Variants in IL1RAPL2 observed in about 807,000 individuals in gnomAD.
IL1RAPL2 encodes the protein X-linked interleukin-1 receptor accessory protein-like 2.
IL1RAPL2 carries 3 observed loss-of-function variants against 44.1 expected under a neutral mutation model. The observed-to-expected ratio is 0.07, with a 90% confidence interval of 0.03 to 0.18. The LOEUF (loss-of-function observed/expected upper bound fraction) is 0.18. Among genes scored for constraint, IL1RAPL2 ranks in the 10% least tolerant of loss-of-function variants. The pLI is 1.00. For missense variants in IL1RAPL2, 391 were observed against 496.4 expected, an observed-to-expected ratio of 0.79 and a Z score of 2.02; for synonymous variants, 181 against 178.8, an observed-to-expected ratio of 1.01 and a Z score of -0.10.
intron 2 of IL1RAPL2, among the ~76,000 whole-genome samples, chrX:105,146,786 C>T (rs73245756): frequency 0.018 from 2,023 of 111,275 alleles, 34 homozygotes; most frequent in Non-Finnish European, 0.029. Flanking sequence ...CCTGAGCTTA[C>T]CTGAAAACAG....
intron 2 of IL1RAPL2, among the ~76,000 whole-genome samples, chrX:105,072,490 G>A (rs1047764380): frequency 9.0e-6 from 1 of 111,001 alleles, no homozygotes; most frequent in Non-Finnish European, 1.9e-5. Flanking sequence ...AGGAAGATGT[G>A]GGAAAGTTTG....
intron 2 of IL1RAPL2, among the ~76,000 whole-genome samples, chrX:104,746,124 G>A (rs1345066052): frequency 9.0e-6 from 1 of 111,581 alleles, no homozygotes; most frequent in Non-Finnish European, 1.9e-5. Flanking sequence ...TTGAATGCTA[G>A]GAACTGTGCC....
At chrX:105,439,517 CAAAAAAAA>C (rs11337790) in intron 5 of IL1RAPL2, among the ~76,000 whole-genome samples, 4 of 59,109 alleles carry the variant, frequency 6.8e-5, no homozygotes, top group African/African-American at 1.2e-4. Context: ...TTTTGCTGTA[CAAAAAAAA>C]AAAAAAAAAA....
At chrX:105,341,997 A>G in intron 5 of IL1RAPL2, among the ~76,000 whole-genome samples, 1 of 110,003 alleles carries the variant, frequency 9.1e-6, no homozygotes, top group Non-Finnish European at 1.9e-5. Flanking sequence ...TGATGAGTTC[A>G]TGTCCTTTGC....
At chrX:105,750,628 A>G (rs970910207) in intron 9 of IL1RAPL2, among the ~76,000 whole-genome samples, 8 of 109,195 alleles carry the variant, frequency 7.3e-5, no homozygotes, top group African/African-American at 2.7e-4. Context: ...TGATGAGTAC[A>G]TATGCATGCT....
rs778864376 is a variant in IL1RAPL2, at chrX:105,027,083, C to A, written c.83-168392C>A. Among the ~76,000 whole-genome samples, 9 of 111,582 alleles carry A rather than the reference C, an allele frequency of 8.1e-5. No homozygotes were observed. The South Asian group carries it at 3.4e-3, about 42-fold the overall frequency. ...AAGCATACACTGGGGAAAAGACAGTCTCTTCAACAAATGGTGCTGGGAAGA... is the reference window on the plus strand; with the variant it reads ...AAGCATACACTGGGGAAAAGACAGTATCTTCAACAAATGGTGCTGGGAAGA... On this transcript the variant is annotated intron_variant, in intron 2 of 10. Transcript: ENST00000372582.
At chrX:105,080,796 A>C (rs1166096453) in intron 2 of IL1RAPL2, among the ~76,000 whole-genome samples, 1 of 111,655 alleles carries the variant, frequency 9.0e-6, no homozygotes, top group Non-Finnish European at 1.9e-5. Context: ...GAATCTATAA[A>C]CTACTTTGGT....
chrX:104,675,756 G>C (rs1401158715), intron 2 of IL1RAPL2, among the ~76,000 whole-genome samples: 1 of 110,264 alleles, frequency 9.1e-6, no homozygotes, highest in Non-Finnish European at 1.9e-5. Context: ...AGGTCACTCA[G>C]GACTTGCTTT....
chrX:105,278,317 C>T (rs978477008), intron 5 of IL1RAPL2, among the ~76,000 whole-genome samples: 2 of 111,495 alleles, frequency 1.8e-5, no homozygotes, highest in South Asian at 3.9e-4. Flanking sequence ...CCTTGGCTGC[C>T]TTCTCTGACA....
intron 2 of IL1RAPL2, among the ~76,000 whole-genome samples, chrX:104,759,784 G>A (rs1025643599): frequency 1.8e-5 from 2 of 111,716 alleles, no homozygotes; most frequent in Non-Finnish European, 3.8e-5. Flanking sequence ...ATCCTGCCAA[G>A]CATTTTTCCA....
intron 6 of IL1RAPL2, among the ~76,000 whole-genome samples, chrX:105,659,591 A>C (rs2037704335): frequency 9.2e-6 from 1 of 108,929 alleles, no homozygotes; most frequent in East Asian, 2.9e-4. Context: ...CGGGAGGCAG[A>C]GCTTGCAGTG....
chrX:104,591,824 T>C (rs1453674533), intron 1 of IL1RAPL2, among the ~76,000 whole-genome samples: 1 of 110,621 alleles, frequency 9.0e-6, no homozygotes, highest in African/African-American at 3.3e-5. Flanking sequence ...ATTGCTACAC[T>C]TAAATTATGA....
chrX:105,256,798 G>T (rs779395304), intron 4 of IL1RAPL2, among the ~76,000 whole-genome samples: 1 of 111,521 alleles, frequency 9.0e-6, no homozygotes, highest in Admixed American at 9.5e-5. Context: ...TTTTATTTCT[G>T]TGGGGTCAGC....
intron 3 of IL1RAPL2, chrX:105,219,788 G>A: frequency 8.5e-7 from 1 of 1,171,125 alleles, no homozygotes; most frequent in East Asian, 3.0e-5. Context: ...GCTGAGGTGT[G>A]TTCTGGGGGC....
intron 1 of IL1RAPL2, among the ~76,000 whole-genome samples, chrX:104,585,983 T>G (rs753847847): frequency 9.0e-6 from 1 of 111,397 alleles, no homozygotes; most frequent in South Asian, 3.8e-4. Flanking sequence ...CCGTGTTGAG[T>G]GGTATTTCTG....
At chrX:104,703,918 A>T (rs761453837) in intron 2 of IL1RAPL2, among the ~76,000 whole-genome samples, 2 of 112,055 alleles carry the variant, frequency 1.8e-5, no homozygotes, top group Non-Finnish European at 3.8e-5. Context: ...AGCTTGGCCC[A>T]TTTGGTGGAG....
intron 2 of IL1RAPL2, among the ~76,000 whole-genome samples, chrX:105,001,687 T>C (rs2030853156): frequency 9.0e-6 from 1 of 111,210 alleles, no homozygotes; most frequent in African/African-American, 3.3e-5. Flanking sequence ...ATTAGGAGAG[T>C]GTTGATTCTT....
chrX:105,199,308 G>T (rs782304110), intron 3 of IL1RAPL2, among the ~76,000 whole-genome samples: 36 of 71,656 alleles, frequency 5.0e-4, no homozygotes, highest in African/African-American at 1.9e-3. Flanking sequence ...TGGAGTGGTG[G>T]TTGTATTTTT....
At chrX:104,766,406 C>T (rs867424632) in intron 2 of IL1RAPL2, among the ~76,000 whole-genome samples, 1 of 102,512 alleles carries the variant, frequency 9.8e-6, no homozygotes, top group African/African-American at 3.5e-5. Flanking sequence ...TGCCTGCCTG[C>T]CTTTCTTCCC....
Sources: gnomAD v4.1 joint callset for allele counts (sites outside exome capture counted in the v4.1 genomes callset) on GRCh38, gnomAD v4.1.1 for gene constraint, MANE v1.5 for transcripts, NCBI Gene and HGNC (gene_info 2026-07-23, HGNC 2026-07-21) for gene names.